SCN11A: variants seen among roughly 807,000 people sequenced by gnomAD.
SCN11A encodes the protein sodium channel protein type 11 subunit alpha.
In SCN11A, 122 loss-of-function variants were observed where a neutral mutation model predicts 162.2. That is an observed-to-expected ratio of 0.75 (90% CI 0.65 to 0.87). The LOEUF is 0.87. Ranked by LOEUF, SCN11A falls within the 40% of genes least tolerant of loss-of-function variation. SCN11A has a pLI of 0.00. For missense variants in SCN11A, 2,015 were observed against 2,181.6 expected, an observed-to-expected ratio of 0.92 and a Z score of 1.52; for synonymous variants, 758 against 751.5, an observed-to-expected ratio of 1.01 and a Z score of -0.14.
At chr3:38,864,222 T>C (rs1156271184) in intron 27 of SCN11A, among the ~76,000 whole-genome samples, 1 of 152,156 alleles carries the variant, frequency 6.6e-6, no homozygotes, top group Non-Finnish European at 1.5e-5. Flanking sequence ...AAAGCCAGTC[T>C]TCCCTGATCA....
At chr3:38,930,023 C>T (rs918513588) in intron 7 of SCN11A, among the ~76,000 whole-genome samples, 2 of 152,132 alleles carry the variant, frequency 1.3e-5, no homozygotes, top group Non-Finnish European at 2.9e-5. Context: ...ATTTATTTCC[C>T]TTTTTATCTG....
chr3:39,029,170 T>C (rs1019868663), intron 2 of SCN11A, among the ~76,000 whole-genome samples: 11 of 152,196 alleles, frequency 7.2e-5, no homozygotes, highest in African/African-American at 2.4e-4. Flanking sequence ...AGTCACTCTC[T>C]GAAGGGGTTA....
intron 16 of SCN11A, among the ~76,000 whole-genome samples, 162 bp downstream of exon 16, chr3:38,903,703 C>G (rs984730913): frequency 6.6e-6 from 1 of 152,150 alleles, no homozygotes; most frequent in Non-Finnish European, 1.5e-5. Flanking sequence ...CTGAAATGAA[C>G]CGGGTAAAAG....
chr3:38,953,263 G>A (rs901675900), intron 4 of SCN11A, among the ~76,000 whole-genome samples: 9 of 152,200 alleles, frequency 5.9e-5, no homozygotes, highest in Non-Finnish European at 1.3e-4. Context: ...ATGGGAAGGT[G>A]GAGGGTGGAA....
intron 12 of SCN11A, 40 bp downstream of exon 12, chr3:38,910,022 TGGAG>T: frequency 6.3e-7 from 1 of 1,580,122 alleles, no homozygotes; most frequent in Non-Finnish European, 8.6e-7. Flanking sequence ...AGGAAAAGGA[TGGAG>T]GGAGGGAGAG....
intron 9 of SCN11A, among the ~76,000 whole-genome samples, chr3:38,924,413 G>A (rs1354160057): frequency 1.3e-5 from 2 of 150,274 alleles, no homozygotes; most frequent in Non-Finnish European, 3.0e-5. Flanking sequence ...TGCTTTTGTT[G>A]CCCAGGCTGG....
intron 11 of SCN11A, 93 bp downstream of exon 11, chr3:38,919,842 T>G (rs1053170491): frequency 1.2e-6 from 1 of 843,166 alleles, no homozygotes; most frequent in African/African-American, 1.7e-5. Context: ...CTATCATCAC[T>G]GTGTCCACCA....
intron 2 of SCN11A, among the ~76,000 whole-genome samples, chr3:39,013,865 A>G (rs80178780): frequency 0.043 from 6,520 of 152,296 alleles, 259 homozygotes; most frequent in African/African-American, 0.1. Context: ...AATTAAAGTT[A>G]AGCACCATTG....
intron 2 of SCN11A, among the ~76,000 whole-genome samples, chr3:39,022,720 A>G (rs979880280): frequency 2.2e-4 from 34 of 152,182 alleles, no homozygotes; most frequent in Non-Finnish European, 3.2e-4. Flanking sequence ...TGTCCCTACA[A>G]GAAAAATACA....
At chr3:38,996,922 T>A (rs1168590507) in intron 2 of SCN11A, among the ~76,000 whole-genome samples, 2 of 152,144 alleles carry the variant, frequency 1.3e-5, no homozygotes, top group African/African-American at 4.8e-5. Flanking sequence ...GGATAAATGT[T>A]AATTCTTCCT....
chr3:38,878,483 C>T (rs2065256707), intron 23 of SCN11A, among the ~76,000 whole-genome samples: 1 of 151,988 alleles, frequency 6.6e-6, no homozygotes, highest in Non-Finnish European at 1.5e-5. Context: ...AAACAGAGTT[C>T]CCTATAATGG....
rs2032401330 is a variant in SCN11A at position 39,051,918 on chromosome 3, C to T, written c.-461G>A. 3.6e-6 allele frequency: 5 copies of T among 1,375,886 alleles called. No individual in the cohort carries two copies. In the Admixed American group the frequency reaches 5.4e-5, roughly 15 times the overall value. The allele number at this position is 1,375,886 out of a possible 1,614,324, so 85.2% of individuals were successfully genotyped here. ...AACAGCACCGAGGAAACACAACAGC[C>T]TGTTTACCTTCAGCCCCGCCACTAA... On this transcript the variant is annotated 5_prime_UTR_variant, in exon 1 of 30. Coordinates refer to ENST00000302328, the MANE Select transcript of SCN11A (RefSeq NM_001349253.2).
chr3:38,853,484 A>G (rs2064816569), intron 28 of SCN11A, among the ~76,000 whole-genome samples: 1 of 152,238 alleles, frequency 6.6e-6, no homozygotes, highest in Admixed American at 6.5e-5. Flanking sequence ...AAAATCTCTC[A>G]CTATATAAAA....
intron 2 of SCN11A, among the ~76,000 whole-genome samples, chr3:38,961,428 G>A (rs1342299353): frequency 6.6e-6 from 1 of 151,974 alleles, no homozygotes; most frequent in Non-Finnish European, 1.5e-5. Context: ...CCAACACCCA[G>A]GTCCTCTGGA....
chr3:39,049,981 A>G (rs1045603712), intron 1 of SCN11A, among the ~76,000 whole-genome samples: 5 of 152,208 alleles, frequency 3.3e-5, no homozygotes, highest in African/African-American at 9.6e-5. Context: ...GGACTACAAC[A>G]TATCAATTTC....
At chr3:39,012,684 A>G (rs187318661) in intron 2 of SCN11A, among the ~76,000 whole-genome samples, 1 of 152,234 alleles carries the variant, frequency 6.6e-6, no homozygotes, top group Non-Finnish European at 1.5e-5. Flanking sequence ...CATGTTGGCC[A>G]GGCTGGTCTC....
intron 7 of SCN11A, among the ~76,000 whole-genome samples, chr3:38,940,302 C>T (rs910306007): frequency 3.9e-5 from 6 of 152,052 alleles, no homozygotes; most frequent in African/African-American, 1.2e-4. Flanking sequence ...TGTCAGTTTC[C>T]TCTAGGTTAA....
chr3:39,022,229 C>A (rs1369060743), intron 2 of SCN11A, among the ~76,000 whole-genome samples: 1 of 152,170 alleles, frequency 6.6e-6, no homozygotes, highest in Admixed American at 6.5e-5. Flanking sequence ...CATGGAGAGG[C>A]GTGAAGCTCA....
At chr3:39,008,309 T>C (rs2031032397) in intron 2 of SCN11A, among the ~76,000 whole-genome samples, 1 of 152,184 alleles carries the variant, frequency 6.6e-6, no homozygotes, top group South Asian at 2.1e-4. Context: ...TAAAGTCATT[T>C]TCAGACATGC....
Sources: allele counts gnomAD v4.1 joint callset (sites outside exome capture counted in the v4.1 genomes callset), GRCh38; gene constraint gnomAD v4.1.1; transcripts MANE v1.5; gene names NCBI Gene and HGNC (gene_info 2026-07-23, HGNC 2026-07-21).